The following NTM variants were observed in gnomAD, a reference collection of about 807,000 sequenced individuals.
NTM encodes the protein IgLON family member 2.
In NTM, 13 loss-of-function variants were observed where a neutral mutation model predicts 42.1. The observed-to-expected ratio is 0.31, with a 90% CI of 0.20 to 0.49. The LOEUF (loss-of-function observed/expected upper bound fraction) is 0.49. Ranked by LOEUF, NTM falls within the 20% of genes least tolerant of loss-of-function variation. The probability of loss-of-function intolerance (pLI) is 0.99; values close to 1 mark genes in which losing one functional copy is unlikely to be tolerated. For synonymous variants in NTM, 187 were observed against 179.2 expected (o/e 1.04, Z -0.35); for missense variants, 373 against 452.8 (o/e 0.82, Z 1.60).
Position 132,115,355 on chromosome 11 carries a change from G to T in NTM, c.168-30927G>T, listed in dbSNP as rs191058912. ...GGTGAGGAGGCGAGGTGATAGACATGTTAATTAGCCTGGTTGCAGTGATCA... is the reference window on the plus strand; with the variant it reads ...GGTGAGGAGGCGAGGTGATAGACATTTTAATTAGCCTGGTTGCAGTGATCA... On this transcript the variant is annotated intron_variant, in intron 2 of 8. Coordinates refer to ENST00000683400, the MANE Select transcript of NTM (RefSeq NM_001352005.2). 7.4e-4 allele frequency among the ~76,000 whole-genome samples: 113 copies of T among 152,294 alleles called. 1 individual carries two copies. Among genetic ancestry groups the T allele is most frequent in the African/African-American group, 2.7e-3 (112 of 41,564 alleles).
intron 1 of NTM, among the ~76,000 whole-genome samples, chr11:131,395,648 GT>G (rs1944470693): frequency 6.6e-6 from 1 of 152,126 alleles, no homozygotes; most frequent in Non-Finnish European, 1.5e-5. Context: ...ACCGCTCTGA[GT>G]TTTTACATTC....
At chr11:131,873,587 C>CGTATATATATACATATATATATACCGT (rs2048064042) in intron 1 of NTM, among the ~76,000 whole-genome samples, 2 of 26,818 alleles carry the variant, frequency 7.5e-5, no homozygotes, top group Non-Finnish European at 9.7e-5. Context: ...ATATATATAC[C>CGTATATATATACATATATATATACCGT]GTATATATAT....
chr11:132,216,335 A>C (rs2083858663), intron 4 of NTM, among the ~76,000 whole-genome samples: 1 of 152,188 alleles, frequency 6.6e-6, no homozygotes, highest in South Asian at 2.1e-4. Context: ...ACATTGCCAC[A>C]TTCCTGAGAG....
chr11:132,034,841 G>A (rs1177518607), intron 2 of NTM, among the ~76,000 whole-genome samples: 2 of 152,170 alleles, frequency 1.3e-5, no homozygotes, highest in East Asian at 1.9e-4. Context: ...TCTTGACCTA[G>A]TTGCTAAATC....
chr11:131,507,106 G>A (rs1398743147), intron 1 of NTM, among the ~76,000 whole-genome samples: 1 of 152,184 alleles, frequency 6.6e-6, no homozygotes, highest in African/African-American at 2.4e-5. Flanking sequence ...CAGAAGGATT[G>A]AAGGGCAAGA....
At chr11:132,000,824 A>G (rs1319060211) in intron 2 of NTM, among the ~76,000 whole-genome samples, 3 of 152,258 alleles carry the variant, frequency 2.0e-5, no homozygotes, top group Non-Finnish European at 4.4e-5. Context: ...TCAATTACTT[A>G]CTAAACACTG....
chr11:132,192,142 G>A (rs2079416014), intron 3 of NTM, among the ~76,000 whole-genome samples: 1 of 152,106 alleles, frequency 6.6e-6, no homozygotes, highest in Non-Finnish European at 1.5e-5. Context: ...AGGTCAACAT[G>A]CAAATTCAAG....
chr11:131,705,937 G>A (rs1036999375), intron 1 of NTM, among the ~76,000 whole-genome samples: 2 of 152,108 alleles, frequency 1.3e-5, no homozygotes, highest in Admixed American at 1.3e-4. Flanking sequence ...GGAGAACAAT[G>A]CAGTCAGAAA....
At chr11:131,892,381 C>G (rs1025026724) in intron 1 of NTM, among the ~76,000 whole-genome samples, 7 of 152,206 alleles carry the variant, frequency 4.6e-5, no homozygotes, top group Admixed American at 4.6e-4. Flanking sequence ...GTTTATCAAC[C>G]ATTTCATGAA....
At chr11:131,583,048 G>A (rs1008411257) in intron 1 of NTM, among the ~76,000 whole-genome samples, 8 of 152,170 alleles carry the variant, frequency 5.3e-5, no homozygotes, top group Non-Finnish European at 1.0e-4. Context: ...CACGGGTAGC[G>A]TCTCCCTGGC....
chr11:131,568,271 C>A (rs912053594), intron 1 of NTM, among the ~76,000 whole-genome samples: 7 of 152,194 alleles, frequency 4.6e-5, no homozygotes, highest in Admixed American at 2.0e-4. Flanking sequence ...CTGGACTATA[C>A]CTCAGTAAAT....
intron 7 of NTM, among the ~76,000 whole-genome samples, chr11:132,320,443 C>T (rs2095535352): frequency 6.6e-6 from 1 of 152,184 alleles, no homozygotes; most frequent in African/African-American, 2.4e-5. Context: ...CGGGTCACTC[C>T]CACCCGAATA....
intron 1 of NTM, among the ~76,000 whole-genome samples, chr11:131,808,554 G>C (rs538296256): frequency 1.3e-5 from 2 of 152,302 alleles, no homozygotes; most frequent in East Asian, 3.9e-4. Context: ...CTCTCATAGA[G>C]ATATGTACAA....
At chr11:132,211,206 C>A (rs947574722) in intron 3 of NTM, among the ~76,000 whole-genome samples, 1 of 152,148 alleles carries the variant, frequency 6.6e-6, no homozygotes, top group Non-Finnish European at 1.5e-5. Flanking sequence ...GAGTTTGAGA[C>A]CAGTCTGGGC....
chr11:131,646,300 G>A (rs1175962379), intron 1 of NTM, among the ~76,000 whole-genome samples: 1 of 152,196 alleles, frequency 6.6e-6, no homozygotes, highest in Admixed American at 6.5e-5. Flanking sequence ...CTGCTAGCCT[G>A]AAGATCTACT....
At chr11:131,763,738 C>G (rs1028631568) in intron 1 of NTM, among the ~76,000 whole-genome samples, 7 of 47,434 alleles carry the variant, frequency 1.5e-4, no homozygotes, top group Admixed American at 3.1e-4. Context: ...TTTTTTTTGG[C>G]ATTGCTTAAT....
intron 1 of NTM, among the ~76,000 whole-genome samples, chr11:131,434,040 A>C (rs1227751582): frequency 6.6e-6 from 1 of 152,132 alleles, no homozygotes. Context: ...GAGTGAGAAC[A>C]TGCGGTGTTT....
intron 2 of NTM, among the ~76,000 whole-genome samples, chr11:132,025,203 C>T (rs2075000656): frequency 6.6e-6 from 1 of 152,128 alleles, no homozygotes; most frequent in African/African-American, 2.4e-5. Context: ...CTTCATCTTC[C>T]ATTGTCATGT....
At chr11:131,811,446 G>T (rs891883338) in intron 1 of NTM, among the ~76,000 whole-genome samples, 4 of 152,194 alleles carry the variant, frequency 2.6e-5, no homozygotes, top group African/African-American at 4.8e-5. Context: ...GGCTTGAGGA[G>T]CTTGGGGCAG....
Sources: allele counts gnomAD v4.1 joint callset (sites outside exome capture counted in the v4.1 genomes callset), GRCh38; gene constraint gnomAD v4.1.1; transcripts MANE v1.5; gene names NCBI Gene and HGNC (gene_info 2026-07-23, HGNC 2026-07-21).